BANK1: variants seen among roughly 807,000 people sequenced by gnomAD.
BANK1 encodes B cell scaffold protein with ankyrin repeats 1.
In BANK1, 95 loss-of-function variants were observed where a neutral mutation model predicts 94.5. That is an observed-to-expected ratio of 1.00 (90% CI 0.85 to 1.19). The LOEUF (loss-of-function observed/expected upper bound fraction) is 1.19, where lower values mean the gene tolerates loss of function less well. Ranked by LOEUF, BANK1 falls within the 50% of genes most tolerant of loss-of-function variation. BANK1 has a pLI of 0.00. For synonymous variants in BANK1, 334 were observed against 308.4 expected (o/e 1.08, Z -0.87); for missense variants, 987 against 932.2 (o/e 1.06, Z -0.77).
rs1560691776 is a variant in BANK1 at position 102,022,083 on chromosome 4, T to TACACATATATACATGTATATATAA, written c.1285+494_1285+517dup. On this transcript the variant is annotated intron_variant, in intron 8 of 16. Coordinates refer to ENST00000322953, the MANE Select transcript of BANK1 (RefSeq NM_017935.5). ...ATATGTGTATATAAATGTATATATA[T>TACACATATATACATGTATATATAA]ACACATATATACATGTATATATAAA... Among the ~76,000 whole-genome samples, 7 of 152,018 alleles carry TACACATATATACATGTATATATAA rather than the reference T, an allele frequency of 4.6e-5. No individual in the cohort carries two copies. The South Asian group carries it at 6.2e-4, about 14-fold the overall frequency.
intron 7 of BANK1, among the ~76,000 whole-genome samples, chr4:101,943,352 C>G (rs1174680142): frequency 1.3e-5 from 2 of 151,808 alleles, no homozygotes; most frequent in African/African-American, 4.8e-5. Context: ...CAGGGAACAT[C>G]AAACGCAAGA....
chr4:101,888,181 T>C (rs1360405508), intron 5 of BANK1, among the ~76,000 whole-genome samples: 2 of 152,204 alleles, frequency 1.3e-5, no homozygotes, highest in Non-Finnish European at 2.9e-5. Context: ...AGCTCAACCG[T>C]TGACTTTCCT....
At chr4:101,922,183 A>T (rs1431416533) in intron 7 of BANK1, among the ~76,000 whole-genome samples, 1 of 151,762 alleles carries the variant, frequency 6.6e-6, no homozygotes, top group Non-Finnish European at 1.5e-5. Context: ...CAATATCCCT[A>T]ATATAAAGCA....
intron 1 of BANK1, among the ~76,000 whole-genome samples, chr4:101,801,733 T>C (rs1400179520): frequency 6.6e-6 from 1 of 152,284 alleles, no homozygotes; most frequent in Non-Finnish European, 1.5e-5. Context: ...ATATTTCTCT[T>C]GTGCTTTTTG....
chr4:102,026,822 CAAAAA>C (rs74429394), intron 9 of BANK1, among the ~76,000 whole-genome samples: 1 of 59,762 alleles, frequency 1.7e-5, no homozygotes, highest in African/African-American at 5.8e-5. Flanking sequence ...GACTCCATCT[CAAAAA>C]AAAAAAAAAA....
At chr4:101,915,235 G>C (rs1047118225) in intron 6 of BANK1, among the ~76,000 whole-genome samples, 3 of 152,066 alleles carry the variant, frequency 2.0e-5, no homozygotes, top group Non-Finnish European at 4.4e-5. Flanking sequence ...AGATGCATAA[G>C]TTCAAGTAGC....
intron 10 of BANK1, among the ~76,000 whole-genome samples, chr4:102,040,992 G>GTATT (rs998766882): frequency 2.6e-5 from 4 of 152,074 alleles, no homozygotes; most frequent in African/African-American, 9.7e-5. Flanking sequence ...AAGTTGGCTA[G>GTATT]TATTCTGGTA....
intron 4 of BANK1, among the ~76,000 whole-genome samples, chr4:101,867,175 T>TAAAAAAAAAAAAAAAAAAAAA (rs774893110): frequency 2.9e-5 from 1 of 34,222 alleles, no homozygotes; most frequent in Admixed American, 1.9e-4. Context: ...TAAAAAAAAT[T>TAAAAAAAAAAAAAAAAAAAAA]TAAAAAAAAA....
intron 10 of BANK1, among the ~76,000 whole-genome samples, chr4:102,039,226 A>C (rs1208834267): frequency 6.6e-6 from 1 of 152,152 alleles, no homozygotes; most frequent in Admixed American, 6.5e-5. Flanking sequence ...GTACCCGTTG[A>C]AATGTAATGG....
intron 7 of BANK1, among the ~76,000 whole-genome samples, chr4:102,002,544 TACACACACACACAC>T (rs10559889): frequency 3.2e-4 from 47 of 148,136 alleles, no homozygotes; most frequent in African/African-American, 4.0e-4. Flanking sequence ...TTAATACAAA[TACACACACACACAC>T]ACACACACAC....
chr4:101,820,375 G>A (rs1237027465), intron 1 of BANK1, among the ~76,000 whole-genome samples: 1 of 152,114 alleles, frequency 6.6e-6, no homozygotes, highest in Admixed American at 6.5e-5. Flanking sequence ...ACTGATTCAA[G>A]AGGCAACCAG....
chr4:102,030,415 T>C (rs1369008483), intron 10 of BANK1, 150 bp downstream of exon 10: 1 of 674,378 alleles, frequency 1.5e-6, no homozygotes, highest in Non-Finnish European at 2.3e-6. Context: ...TACTGGCTCA[T>C]TTTTTTTCCA....
intron 2 of BANK1, among the ~76,000 whole-genome samples, chr4:101,851,398 G>T (rs150956230): frequency 2.8e-4 from 42 of 152,220 alleles, no homozygotes; most frequent in Non-Finnish European, 4.0e-4. Flanking sequence ...ATTAAACCAG[G>T]CAACAAGTAT....
intron 7 of BANK1, among the ~76,000 whole-genome samples, chr4:101,986,873 A>ATGTG (rs1164357630): frequency 8.5e-5 from 4 of 46,894 alleles, no homozygotes; most frequent in East Asian, 6.9e-4. Flanking sequence ...ATATGTGTGT[A>ATGTG]TGTGTGTGTG....
At position 102,043,918 on chromosome 4, in the gene BANK1, T is replaced by C. The variant is rs368009226; in HGVS notation, c.1969+11T>C. On this transcript the variant is annotated intron_variant, in intron 11 of 16. Coordinates refer to ENST00000322953, the MANE Select transcript of BANK1 (RefSeq NM_017935.5). ...TTCCTAAGAAACAAGGTACTAACAC[T>C]AACTTCAATCTATTTAGTAATCTCT... The C allele has an allele frequency of 2.6e-6, 4 of 1,512,630 alleles. No homozygotes were observed. Among genetic ancestry groups the C allele is most frequent in the Non-Finnish European group, 3.7e-6 (4 of 1,092,836 alleles). 93.7% of individuals were successfully genotyped at this position (1,512,630 alleles called of 1,614,324 possible).
At chr4:101,844,550 T>C (rs758789587) in intron 2 of BANK1, among the ~76,000 whole-genome samples, 1 of 152,184 alleles carries the variant, frequency 6.6e-6, no homozygotes, top group Non-Finnish European at 1.5e-5. Context: ...CAAAGGTCTT[T>C]TACCCTCAGT....
intron 6 of BANK1, among the ~76,000 whole-genome samples, chr4:101,915,473 G>A (rs968827170): frequency 6.6e-5 from 10 of 151,932 alleles, no homozygotes; most frequent in African/African-American, 1.9e-4. Flanking sequence ...ATGCAGATTA[G>A]GACATAACCT....
intron 7 of BANK1, among the ~76,000 whole-genome samples, chr4:101,926,199 G>T (rs1723146315): frequency 6.6e-6 from 1 of 151,436 alleles, no homozygotes; most frequent in Admixed American, 6.6e-5. Flanking sequence ...GGCCTCTCCA[G>T]GCATATGAAA....
At chr4:102,000,472 C>A (rs1285431787) in intron 7 of BANK1, among the ~76,000 whole-genome samples, 1 of 151,934 alleles carries the variant, frequency 6.6e-6, no homozygotes, top group Non-Finnish European at 1.5e-5. Context: ...TAAATCTTTT[C>A]TTTATCCTGT....
Sources: allele counts gnomAD v4.1 joint callset (sites outside exome capture counted in the v4.1 genomes callset), GRCh38; gene constraint gnomAD v4.1.1; transcripts MANE v1.5; gene names NCBI Gene and HGNC (gene_info 2026-07-23, HGNC 2026-07-21).